CCDC68: variants seen among roughly 807,000 people sequenced by gnomAD.
CCDC68 encodes coiled-coil domain-containing protein 68.
Under a neutral mutation model 47.1 loss-of-function variants are expected in CCDC68, and 45 were observed. The ratio of observed to expected loss-of-function variants is 0.96; its 90% CI spans 0.75 to 1.23. The LOEUF (loss-of-function observed/expected upper bound fraction) is 1.23, where lower values mean the gene tolerates loss of function less well. Ranked by LOEUF, CCDC68 falls within the 50% of genes most tolerant of loss-of-function variation. The pLI is 0.00. For missense variants in CCDC68, 353 were observed against 373.6 expected (o/e 0.94, Z 0.45); for synonymous variants, 131 against 129.5 (o/e 1.01, Z -0.08).
chr18:54,942,953 C>G (rs574437051), intron 2 of CCDC68, 150 bp from the exon 3 acceptor site: 1 of 486,302 alleles, frequency 2.1e-6, no homozygotes, highest in South Asian at 3.1e-5. Context: ...TTCATAAATC[C>G]AGGAATTAAT....
chr18:54,948,309 T>C (rs1220980177), intron 1 of CCDC68, among the ~76,000 whole-genome samples: 2 of 151,998 alleles, frequency 1.3e-5, no homozygotes, highest in African/African-American at 2.4e-5. Context: ...CCTGTGAAAA[T>C]GAAGGCAGAG....
intron 4 of CCDC68, 28 bp from the exon 5 acceptor site, chr18:54,938,125 C>T (rs369544408): frequency 6.3e-7 from 1 of 1,592,804 alleles, no homozygotes; most frequent in Non-Finnish European, 8.5e-7. Context: ...AAATCATAGA[C>T]CTGACTATCT....
chr18:54,920,735 C>T (rs1410552494), intron 8 of CCDC68, among the ~76,000 whole-genome samples: 2 of 152,158 alleles, frequency 1.3e-5, no homozygotes, highest in African/African-American at 4.8e-5. Context: ...AATGCTTATA[C>T]ACTGTTGGTG....
intron 10 of CCDC68, 134 bp downstream of exon 10, chr18:54,917,779 C>T (rs1379868960): frequency 1.1e-5 from 7 of 655,544 alleles, no homozygotes; most frequent in Non-Finnish European, 1.9e-5. Context: ...TAGTGTTATA[C>T]AGGCATACAA....
rs374114188 is a variant in CCDC68, at chr18:54,912,639, T to TAC, written c.874-4779_874-4778dup. On this transcript the variant is annotated intron_variant, in intron 10 of 11. Transcript: ENST00000591504. ...TATATTTCACAAACATGTATACACA[T>TAC]ACACACACACACACATTTAATCACC... is the stretch of plus-strand genomic sequence containing the variant. Among the ~76,000 whole-genome samples, 55 of 151,704 alleles carry TAC rather than the reference T, an allele frequency of 3.6e-4. 1 individual carries two copies. Among genetic ancestry groups the TAC allele is most frequent in the African/African-American group, 1.1e-3 (45 of 41,448 alleles).
At chr18:54,929,832 G>A (rs553601612) in intron 7 of CCDC68, among the ~76,000 whole-genome samples, 6 of 152,162 alleles carry the variant, frequency 3.9e-5, no homozygotes, top group Non-Finnish European at 7.3e-5. Flanking sequence ...TTTGGCCGAG[G>A]TTTTAAACTC....
Position 54,936,971 on chromosome 18 carries a change from T to G in CCDC68, c.346-13A>C. On this transcript the variant is annotated splice_polypyrimidine_tract_variant and intron_variant, in intron 5 of 11. Transcript: ENST00000591504. ...TGGAGGCTTGCAGCTAGAAAAAAGG[T>G]CACTATGCATGTTCTGACATTTACA... 6.2e-7 allele frequency: 1 copy of G among 1,613,978 alleles called. No individual in the cohort carries two copies. Among genetic ancestry groups the G allele is most frequent in the Non-Finnish European group, 8.5e-7 (1 of 1,179,926 alleles).
At chr18:54,939,326 T>C (rs1280107180) in intron 4 of CCDC68, among the ~76,000 whole-genome samples, 1 of 151,916 alleles carries the variant, frequency 6.6e-6, no homozygotes, top group Non-Finnish European at 1.5e-5. Context: ...TCAGCAGTGG[T>C]AGATGGCTAC....
At chr18:54,928,450 A>T (rs2044182254) in intron 8 of CCDC68, among the ~76,000 whole-genome samples, 1 of 152,178 alleles carries the variant, frequency 6.6e-6, no homozygotes, top group African/African-American at 2.4e-5. Flanking sequence ...ACACAGAAGC[A>T]TCAGGGAATA....
chr18:54,933,270 C>T (rs542865698), intron 7 of CCDC68, among the ~76,000 whole-genome samples: 38 of 152,120 alleles, frequency 2.5e-4, no homozygotes, highest in African/African-American at 8.7e-4. Flanking sequence ...TTAGTAGAGA[C>T]GGGGTTTCAC....
intron 1 of CCDC68, among the ~76,000 whole-genome samples, chr18:54,953,447 G>A (rs1231388437): frequency 6.6e-6 from 1 of 151,690 alleles, no homozygotes; most frequent in Non-Finnish European, 1.5e-5. Flanking sequence ...AAAATTAATT[G>A]GATTTGTTTT....
At chr18:54,909,260 G>A (rs1171322008) in intron 10 of CCDC68, among the ~76,000 whole-genome samples, 1 of 152,138 alleles carries the variant, frequency 6.6e-6, no homozygotes, top group Non-Finnish European at 1.5e-5. Context: ...AAGTGTCTGC[G>A]ACCAAAAGGT....
intron 6 of CCDC68, among the ~76,000 whole-genome samples, chr18:54,936,162 A>G (rs2044339550): frequency 6.9e-6 from 1 of 145,500 alleles, no homozygotes; most frequent in Non-Finnish European, 1.5e-5. Flanking sequence ...TATTTATTAT[A>G]TTAGATATTA....
At chr18:54,946,598 T>C (rs2044532058) in intron 1 of CCDC68, among the ~76,000 whole-genome samples, 2 of 152,372 alleles carry the variant, frequency 1.3e-5, no homozygotes, top group African/African-American at 4.8e-5. Context: ...CTCAGGCTCT[T>C]TCATAATTTG....
chr18:54,919,551 G>A (rs567480571), intron 8 of CCDC68, among the ~76,000 whole-genome samples, 175 bp from the exon 9 acceptor site: 12 of 152,258 alleles, frequency 7.9e-5, no homozygotes, highest in South Asian at 2.1e-4. Context: ...CTATGAAGCG[G>A]GCTCTAATTT....
intron 10 of CCDC68, among the ~76,000 whole-genome samples, chr18:54,915,842 T>C (rs1175445759): frequency 6.6e-6 from 1 of 151,892 alleles, no homozygotes; most frequent in East Asian, 1.9e-4. Context: ...GGCAGGAGAA[T>C]CACTTGAACC....
Position 54,903,932 on chromosome 18 carries a change from C to T in CCDC68, c.*426G>A, listed in dbSNP as rs1599013687. The T allele has an allele frequency of 6.4e-6, 1 of 155,286 alleles. No homozygotes were observed. Among genetic ancestry groups the T allele is most frequent in the East Asian group, 1.9e-4 (1 of 5,264 alleles). The allele number at this position is 155,286 out of a possible 1,614,324, so 9.6% of individuals were successfully genotyped here. A position where few individuals can be genotyped will look rare whatever the true frequency, so the allele number is the denominator to read the frequency against. Reference sequence around the variant, plus strand: ...TTGCTCATTCATACATATACATGCCCTTCATACATATATATGCAGGAAATG... The same window carrying T: ...TTGCTCATTCATACATATACATGCCTTTCATACATATATATGCAGGAAATG... On this transcript the variant is annotated 3_prime_UTR_variant, in exon 12 of 12. Transcript: ENST00000591504.
chr18:54,948,516 C>T (rs765188851), intron 1 of CCDC68, among the ~76,000 whole-genome samples: 21 of 152,186 alleles, frequency 1.4e-4, no homozygotes, highest in Non-Finnish European at 2.6e-4. Context: ...GTGTGTGGCA[C>T]TTTGTTAGAG....
chr18:54,922,414 T>C (rs113158811), intron 8 of CCDC68, among the ~76,000 whole-genome samples: 1,522 of 151,554 alleles, frequency 0.01, 21 homozygotes, highest in African/African-American at 0.029. Flanking sequence ...AGATTGGGAG[T>C]GTGCGAGAGG....
Sources: allele counts gnomAD v4.1 joint callset (sites outside exome capture counted in the v4.1 genomes callset), GRCh38; gene constraint gnomAD v4.1.1; transcripts MANE v1.5; gene names NCBI Gene and HGNC (gene_info 2026-07-23, HGNC 2026-07-21).